The following GRM5 variants were observed in gnomAD, a reference collection of about 807,000 sequenced individuals.
GRM5 encodes the protein glutamate metabotropic receptor 5.
In GRM5, 19 loss-of-function variants were observed where a neutral mutation model predicts 83.1. The observed-to-expected ratio is 0.23, with a 90% CI of 0.16 to 0.34. The LOEUF (loss-of-function observed/expected upper bound fraction) is 0.34, where lower values mean the gene tolerates loss of function less well. GRM5 is among the 10% of genes least tolerant of loss of function. The pLI, the probability that GRM5 is intolerant of heterozygous loss-of-function variation, is 1.00. For missense variants in GRM5, 1,160 were observed against 1,588.3 expected (o/e 0.73, Z 4.58); for synonymous variants, 675 against 633.6 (o/e 1.07, Z -0.98).
chr11:88,569,179 C>T (rs1214225302), intron 7 of GRM5, among the ~76,000 whole-genome samples: 1 of 152,120 alleles, frequency 6.6e-6, no homozygotes, highest in Non-Finnish European at 1.5e-5. Flanking sequence ...GTGACATGGG[C>T]ATCAGGATTT....
intron 2 of GRM5, among the ~76,000 whole-genome samples, chr11:89,003,168 C>G (rs1940435846): frequency 6.6e-6 from 1 of 152,140 alleles, no homozygotes; most frequent in Non-Finnish European, 1.5e-5. Flanking sequence ...ATAATTCTAG[C>G]AGTGGAATCA....
At chr11:88,594,165 CTG>C (rs1273789504) in intron 6 of GRM5, among the ~76,000 whole-genome samples, 1 of 152,074 alleles carries the variant, frequency 6.6e-6, no homozygotes, top group Non-Finnish European at 1.5e-5. Flanking sequence ...GTAATTTACA[CTG>C]TGTAATCTTT....
intron 8 of GRM5, among the ~76,000 whole-genome samples, chr11:88,543,519 T>G (rs1245581851): frequency 1.3e-5 from 2 of 149,960 alleles, no homozygotes; most frequent in Non-Finnish European, 3.0e-5. Context: ...AAAAAAGTGC[T>G]GAATGAGAGA....
chr11:88,718,734 C>T (rs541034102), intron 3 of GRM5, among the ~76,000 whole-genome samples: 2 of 151,894 alleles, frequency 1.3e-5, no homozygotes, highest in Non-Finnish European at 2.9e-5. Flanking sequence ...ACACATTCTG[C>T]ATGAAATTTT....
chr11:88,647,303 G>A (rs893748972), intron 4 of GRM5, among the ~76,000 whole-genome samples: 2 of 151,914 alleles, frequency 1.3e-5, no homozygotes, highest in Admixed American at 1.3e-4. Flanking sequence ...TGAGGAAAAG[G>A]TAGCAAGTGG....
intron 8 of GRM5, among the ~76,000 whole-genome samples, chr11:88,539,603 C>T (rs948220358): frequency 6.6e-6 from 1 of 152,188 alleles, no homozygotes; most frequent in Admixed American, 6.5e-5. Context: ...GTTTCCTCCA[C>T]ACACCCCCTA....
chr11:88,947,671 T>G (rs762707263), intron 2 of GRM5, among the ~76,000 whole-genome samples: 6 of 152,112 alleles, frequency 3.9e-5, no homozygotes, highest in Non-Finnish European at 5.9e-5. Flanking sequence ...ATTAATAAAA[T>G]AATATAATCC....
intron 2 of GRM5, among the ~76,000 whole-genome samples, chr11:88,889,866 A>C (rs1359008330): frequency 6.6e-6 from 1 of 152,168 alleles, no homozygotes; most frequent in Non-Finnish European, 1.5e-5. Flanking sequence ...AACAAACAAA[A>C]AAAACCCTTT....
intron 3 of GRM5, among the ~76,000 whole-genome samples, chr11:88,840,301 A>C (rs1397060854): frequency 6.6e-6 from 1 of 152,190 alleles, no homozygotes; most frequent in Non-Finnish European, 1.5e-5. Context: ...CTGCCAGATT[A>C]TCTAATGTCA....
Position 88,567,211 on chromosome 11 carries a change from G to A in GRM5, c.2472C>T (p.Ile824=). ...LGCMFVPKVY[I]ILAKPERNVR... Reference sequence around the variant, plus strand: ...CGTTTCTCTCTGGTTTGGCCAGGATGATGTACACCTTCGGCACAAACATGC... The same window carrying A: ...CGTTTCTCTCTGGTTTGGCCAGGATAATGTACACCTTCGGCACAAACATGC... The change falls in exon 8 of 10, where the codon ATC becomes ATT. Residue 824 remains isoleucine, a synonymous_variant. Transcript: ENST00000305447. The surrounding 1 kb of genome is among the most constrained non-coding windows in gnomAD (Gnocchi z 7.3). The A allele has an allele frequency of 6.2e-7, 1 of 1,614,120 alleles. No homozygotes were observed. The highest frequency in any genetic ancestry group is 1.1e-5 in the South Asian group (1 of 91,074).
chr11:88,766,444 G>A (rs1942626060), intron 3 of GRM5, among the ~76,000 whole-genome samples: 1 of 151,818 alleles, frequency 6.6e-6, no homozygotes, highest in Non-Finnish European at 1.5e-5. Flanking sequence ...CTAGCAAAAA[G>A]AAGCAATGGG....
chr11:88,652,260 T>C (rs576960615), intron 4 of GRM5, among the ~76,000 whole-genome samples: 55 of 152,170 alleles, frequency 3.6e-4, no homozygotes, highest in Non-Finnish European at 6.5e-4. Flanking sequence ...GGGTTTCTTA[T>C]AACACAATGT....
chr11:88,734,180 A>G (rs1941862641), intron 3 of GRM5, among the ~76,000 whole-genome samples: 1 of 152,056 alleles, frequency 6.6e-6, no homozygotes, highest in Non-Finnish European at 1.5e-5. Context: ...TAAACAACAG[A>G]GGAGCAAATA....
chr11:88,913,615 C>T (rs1251881465), intron 2 of GRM5, among the ~76,000 whole-genome samples: 6 of 128,012 alleles, frequency 4.7e-5, no homozygotes, highest in African/African-American at 1.5e-4. Context: ...TAGGTGGAGT[C>T]GTGCTTTGTC....
chr11:88,801,343 A>C (rs1943390759), intron 3 of GRM5, among the ~76,000 whole-genome samples: 1 of 152,148 alleles, frequency 6.6e-6, no homozygotes, highest in Non-Finnish European at 1.5e-5. Context: ...TGCAAAAGTA[A>C]TTGCAGTTTT....
intron 2 of GRM5, among the ~76,000 whole-genome samples, chr11:88,858,667 G>A (rs5009091): frequency 6.6e-6 from 1 of 151,960 alleles, no homozygotes; most frequent in African/African-American, 2.4e-5. Flanking sequence ...CCCTGGAATC[G>A]AAAGTTGATT....
chr11:88,841,116 T>C (rs1944192457), intron 3 of GRM5, among the ~76,000 whole-genome samples: 1 of 152,216 alleles, frequency 6.6e-6, no homozygotes, highest in Admixed American at 6.5e-5. Context: ...TACTCCTTCC[T>C]GCCTTAAATC....
chr11:88,704,510 GC>G (rs898164799), intron 3 of GRM5, among the ~76,000 whole-genome samples: 1 of 151,922 alleles, frequency 6.6e-6, no homozygotes, highest in African/African-American at 2.4e-5. Context: ...AGAAAAATAA[GC>G]CCAGCATATA....
At chr11:88,694,173 C>A (rs1008795361) in intron 3 of GRM5, among the ~76,000 whole-genome samples, 2 of 152,194 alleles carry the variant, frequency 1.3e-5, no homozygotes, top group Admixed American at 1.3e-4. Context: ...CATAATCAGA[C>A]ACTTCCTTTA....
Sources: allele counts gnomAD v4.1 joint callset (sites outside exome capture counted in the v4.1 genomes callset), GRCh38; gene constraint gnomAD v4.1.1; non-coding constraint Gnocchi (gnomAD v3.1); transcripts MANE v1.5; gene names NCBI Gene and HGNC (gene_info 2026-07-23, HGNC 2026-07-21).